The following CCDC91 variants were observed in gnomAD, a reference collection of about 807,000 sequenced individuals.
The protein encoded by CCDC91 is coiled-coil domain-containing protein 91.
Under a neutral mutation model 63.2 loss-of-function variants are expected in CCDC91, and 48 were observed. The observed-to-expected ratio is 0.76, with a 90% CI of 0.60 to 0.97. CCDC91 has a LOEUF of 0.97. Ranked by LOEUF, CCDC91 falls within the 50% of genes least tolerant of loss-of-function variation. The pLI, the probability that CCDC91 is intolerant of heterozygous loss-of-function variation, is 0.00. For missense variants in CCDC91, 500 were observed against 494.6 expected (o/e 1.01, Z -0.10); for synonymous variants, 167 against 165.8 (o/e 1.01, Z -0.06).
At chr12:28,197,860 A>G (rs1941902793) in intron 1 of CCDC91, among the ~76,000 whole-genome samples, 1 of 152,112 alleles carries the variant, frequency 6.6e-6, no homozygotes, top group Non-Finnish European at 1.5e-5. Flanking sequence ...TATATGCCAT[A>G]CAATTTTACT....
intron 12 of CCDC91, among the ~76,000 whole-genome samples, chr12:28,532,215 A>T (rs1222805855): frequency 1.3e-5 from 2 of 152,116 alleles, no homozygotes; most frequent in Non-Finnish European, 2.9e-5. Flanking sequence ...AGATGAAGTA[A>T]AAAAGGTGAT....
At chr12:28,298,399 C>T (rs1313927098) in intron 3 of CCDC91, among the ~76,000 whole-genome samples, 1 of 147,312 alleles carries the variant, frequency 6.8e-6, no homozygotes, top group Non-Finnish European at 1.5e-5. Flanking sequence ...AGCTAGTTGG[C>T]CCCTATTAGT....
intron 7 of CCDC91, among the ~76,000 whole-genome samples, chr12:28,369,792 A>G (rs1944496933): frequency 6.6e-6 from 1 of 152,214 alleles, no homozygotes; most frequent in Non-Finnish European, 1.5e-5. Context: ...TGCAGTGCCA[A>G]CACCACATTG....
At chr12:28,348,923 T>C (rs1382932495) in intron 6 of CCDC91, among the ~76,000 whole-genome samples, 1 of 152,018 alleles carries the variant, frequency 6.6e-6, no homozygotes, top group Non-Finnish European at 1.5e-5. Flanking sequence ...GGTGTTTTGC[T>C]CTATTTCCTA....
chr12:28,251,514 A>G (rs1440071600), intron 1 of CCDC91, among the ~76,000 whole-genome samples: 1 of 152,078 alleles, frequency 6.6e-6, no homozygotes, highest in Admixed American at 6.6e-5. Flanking sequence ...TTTTGATAGA[A>G]CTAATAGGTA....
chr12:28,502,148 A>G (rs1004767805), intron 12 of CCDC91, among the ~76,000 whole-genome samples: 4 of 151,762 alleles, frequency 2.6e-5, no homozygotes, highest in Non-Finnish European at 5.9e-5. Context: ...TGATCCTTTC[A>G]AAAAACCAGC....
In CCDC91 at chr12:28,306,887, T is replaced by C; in HGVS notation, c.413T>C (p.Ile138Thr). The change falls in exon 5 of 13, where the codon ATT becomes ACT. Residue 138 changes from isoleucine (I) to threonine (T), a missense_variant. Ile to Thr is a moderately conservative substitution (Grantham distance 89, BLOSUM62 -1). Coordinates refer to ENST00000536442, the MANE Select transcript of CCDC91 (RefSeq NM_018318.5). Reference sequence around the variant, plus strand: ...TCTAACATACAGCTTCAGCAAAAAATTTCAAGTCTGGAGATTAAACTCAAA... The same window carrying C: ...TCTAACATACAGCTTCAGCAAAAAACTTCAAGTCTGGAGATTAAACTCAAA... Reference protein sequence around the residue: ...NVSNIQLQQKISSLEIKLKVS... With the variant: ...NVSNIQLQQKTSSLEIKLKVS... 2.5e-6 allele frequency: 4 copies of C among 1,612,140 alleles called. No homozygotes were observed. Among genetic ancestry groups the C allele is most frequent in the Non-Finnish European group, 3.4e-6 (4 of 1,178,728 alleles).
intron 11 of CCDC91, among the ~76,000 whole-genome samples, chr12:28,460,349 G>C (rs190727314): frequency 6.6e-6 from 1 of 152,092 alleles, no homozygotes. Context: ...AAGTCAATTT[G>C]TGCTGAATTT....
intron 1 of CCDC91, among the ~76,000 whole-genome samples, chr12:28,194,019 T>TA (rs1941513853): frequency 6.6e-6 from 1 of 152,254 alleles, no homozygotes; most frequent in South Asian, 2.1e-4. Flanking sequence ...CTTAACAGTA[T>TA]CTTTCAAAGA....
At chr12:28,382,409 G>A (rs1394874333) in intron 7 of CCDC91, among the ~76,000 whole-genome samples, 1 of 151,776 alleles carries the variant, frequency 6.6e-6, no homozygotes, top group Non-Finnish European at 1.5e-5. Context: ...TAAAAAGTAG[G>A]TAATTTAACT....
At chr12:28,287,092 A>G (rs966608401) in intron 3 of CCDC91, among the ~76,000 whole-genome samples, 5 of 152,020 alleles carry the variant, frequency 3.3e-5, no homozygotes, top group Admixed American at 2.0e-4. Flanking sequence ...AGTTCCTTAT[A>G]GATGTTGGAT....
At chr12:28,336,764 C>T (rs1446584836) in intron 6 of CCDC91, among the ~76,000 whole-genome samples, 1 of 152,018 alleles carries the variant, frequency 6.6e-6, no homozygotes, top group Non-Finnish European at 1.5e-5. Context: ...ATTTTCAGAT[C>T]ACCTATCTGC....
At chr12:28,534,900 T>G (rs1034511316) in intron 12 of CCDC91, among the ~76,000 whole-genome samples, 6 of 152,192 alleles carry the variant, frequency 3.9e-5, no homozygotes, top group African/African-American at 1.4e-4. Flanking sequence ...CTTAATCCAT[T>G]TAAATCTAAA....
chr12:28,523,836 C>G (rs939810642), intron 12 of CCDC91, among the ~76,000 whole-genome samples: 13 of 152,060 alleles, frequency 8.5e-5, no homozygotes, highest in African/African-American at 2.9e-4. Context: ...ACTTATGAAG[C>G]TTAGTTTGGC....
intron 3 of CCDC91, among the ~76,000 whole-genome samples, chr12:28,289,407 C>T (rs1408562677): frequency 1.3e-5 from 2 of 152,066 alleles, no homozygotes; most frequent in Non-Finnish European, 2.9e-5. Context: ...TTTCAAAAGA[C>T]TTCTTGATTT....
intron 3 of CCDC91, among the ~76,000 whole-genome samples, chr12:28,274,613 G>A (rs1008723288): frequency 6.6e-6 from 1 of 152,058 alleles, no homozygotes; most frequent in African/African-American, 2.4e-5. Context: ...ATTGTGAATG[G>A]GAGTTCAGTC....
At position 28,230,743 on chromosome 12, in the gene CCDC91, G is replaced by A. The variant is rs182173256; in HGVS notation, c.-14-26459G>A. Among the ~76,000 whole-genome samples, 1,367 of 152,170 alleles carry A rather than the reference G, an allele frequency of 9.0e-3. 12 individuals are homozygous for A. The highest frequency in any genetic ancestry group is 0.014 in the Non-Finnish European group (960 of 68,014). On this transcript the variant is annotated intron_variant, in intron 1 of 12. Coordinates refer to ENST00000536442, the MANE Select transcript of CCDC91 (RefSeq NM_018318.5). ...GGACTCAAGTGATCCTCCTGCAACA[G>A]CATCCAAGTAACTGGGACTACAGGT... is the stretch of plus-strand genomic sequence containing the variant.
At chr12:28,520,738 T>C (rs1940540236) in intron 12 of CCDC91, among the ~76,000 whole-genome samples, 2 of 152,212 alleles carry the variant, frequency 1.3e-5, no homozygotes, top group South Asian at 2.1e-4. Flanking sequence ...TATCTTGAAT[T>C]AATTTTTGTA....
At chr12:28,528,835 A>G (rs894484190) in intron 12 of CCDC91, among the ~76,000 whole-genome samples, 5 of 152,206 alleles carry the variant, frequency 3.3e-5, no homozygotes, top group South Asian at 2.1e-4. Context: ...TATTTTCAAA[A>G]GTATAAACAA....
Sources: gnomAD v4.1 joint callset for allele counts (sites outside exome capture counted in the v4.1 genomes callset) on GRCh38, gnomAD v4.1.1 for gene constraint, MANE v1.5 for transcripts, NCBI Gene and HGNC (gene_info 2026-07-23, HGNC 2026-07-21) for gene names.